The following MAGI2 variants were observed in gnomAD, a reference collection of about 807,000 sequenced individuals.
The protein encoded by MAGI2 is membrane associated guanylate kinase, WW and PDZ domain containing 2.
In MAGI2, 35 loss-of-function variants were observed where a neutral mutation model predicts 133.3. The observed-to-expected ratio is 0.26, with a 90% CI of 0.20 to 0.35. The LOEUF (loss-of-function observed/expected upper bound fraction) is 0.35, where lower values mean the gene tolerates loss of function less well. Among genes scored for constraint, MAGI2 ranks in the 10% least tolerant of loss-of-function variants. The pLI is 1.00. For missense variants in MAGI2, 1,636 were observed against 1,863.4 expected (o/e 0.88, Z 2.25); for synonymous variants, 729 against 710.6 (o/e 1.03, Z -0.41).
chr7:78,036,211 G>A (rs1810201527), intron 21 of MAGI2, among the ~76,000 whole-genome samples: 1 of 152,192 alleles, frequency 6.6e-6, no homozygotes, highest in Admixed American at 6.5e-5. Flanking sequence ...AATCTAGAGT[G>A]AGGCAGTGTA....
intron 9 of MAGI2, among the ~76,000 whole-genome samples, chr7:78,300,145 G>A (rs1161841334): frequency 6.6e-6 from 1 of 152,132 alleles, no homozygotes; most frequent in Non-Finnish European, 1.5e-5. Context: ...TATAGTTCTT[G>A]CAGATATCTC....
At chr7:78,474,961 C>A (rs7808641) in intron 6 of MAGI2, among the ~76,000 whole-genome samples, 44,245 of 151,068 alleles carry the variant, frequency 0.29, 7,465 homozygotes, top group African/African-American at 0.47. Flanking sequence ...TAAAAAAAAA[C>A]CCTGGAAGTC....
intron 3 of MAGI2, among the ~76,000 whole-genome samples, chr7:78,527,581 C>T (rs1039753383): frequency 1.3e-5 from 2 of 152,068 alleles, no homozygotes; most frequent in African/African-American, 4.8e-5. Flanking sequence ...GCACCATGTT[C>T]TTTATGCTTT....
chr7:78,978,636 T>C (rs1404807128), intron 2 of MAGI2, among the ~76,000 whole-genome samples: 2 of 151,868 alleles, frequency 1.3e-5, no homozygotes, highest in Non-Finnish European at 2.9e-5. Context: ...TCTTAATCCA[T>C]GCCAATTAAA....
intron 5 of MAGI2, among the ~76,000 whole-genome samples, chr7:78,493,992 T>C (rs1353578574): frequency 6.6e-6 from 1 of 152,166 alleles, no homozygotes; most frequent in Non-Finnish European, 1.5e-5. Context: ...TTTTTTTCTT[T>C]TCTAGACAGG....
chr7:79,373,846 A>T (rs1843209050), intron 1 of MAGI2, among the ~76,000 whole-genome samples: 1 of 152,204 alleles, frequency 6.6e-6, no homozygotes, highest in South Asian at 2.1e-4. Context: ...TGACCTAAAA[A>T]TTCTACTCCT....
At chr7:78,957,264 CAAAA>C (rs1187620956) in intron 2 of MAGI2, among the ~76,000 whole-genome samples, 2 of 42,638 alleles carry the variant, frequency 4.7e-5, no homozygotes, top group African/African-American at 1.7e-4. Context: ...GACTCCATCT[CAAAA>C]AAAAAAAAAA....
intron 1 of MAGI2, among the ~76,000 whole-genome samples, chr7:79,122,514 A>G (rs1016690061): frequency 1.2e-4 from 19 of 152,242 alleles, no homozygotes; most frequent in Non-Finnish European, 1.5e-5. Context: ...CAGTTGATAC[A>G]TAGAGTTTAT....
chr7:78,987,637 T>G (rs1805387176), intron 2 of MAGI2, among the ~76,000 whole-genome samples: 1 of 152,068 alleles, frequency 6.6e-6, no homozygotes, highest in Non-Finnish European at 1.5e-5. Flanking sequence ...TATTTCATCT[T>G]CTGTTTTCCC....
intron 6 of MAGI2, among the ~76,000 whole-genome samples, chr7:78,427,564 C>T (rs1198490120): frequency 6.6e-6 from 1 of 151,242 alleles, no homozygotes; most frequent in African/African-American, 2.4e-5. Flanking sequence ...GACTGCATGA[C>T]CCAAAATGAA....
intron 1 of MAGI2, among the ~76,000 whole-genome samples, chr7:79,216,725 A>G (rs1484737929): frequency 6.6e-6 from 1 of 152,054 alleles, no homozygotes; most frequent in Non-Finnish European, 1.5e-5. Flanking sequence ...ACATATGCAT[A>G]TACACACATT....
At chr7:78,898,508 G>A (rs1389083098) in intron 2 of MAGI2, among the ~76,000 whole-genome samples, 6 of 152,108 alleles carry the variant, frequency 3.9e-5, no homozygotes, top group South Asian at 4.1e-4. Flanking sequence ...TTGCAGGAAC[G>A]TGGATGGAGC....
At chr7:79,327,573 T>C (rs996983303) in intron 1 of MAGI2, among the ~76,000 whole-genome samples, 1 of 152,168 alleles carries the variant, frequency 6.6e-6, no homozygotes, top group African/African-American at 2.4e-5. Flanking sequence ...TACATAATGA[T>C]ACAAAGGCAA....
intron 1 of MAGI2, among the ~76,000 whole-genome samples, chr7:79,144,278 C>A (rs1411502513): frequency 6.6e-6 from 1 of 152,148 alleles, no homozygotes; most frequent in African/African-American, 2.4e-5. Context: ...GGATTTGTGT[C>A]TCCAAATCTC....
chr7:79,319,274 G>A lies in MAGI2; in HGVS notation c.301+133746C>T, dbSNP rs145058082. 5.1e-4 allele frequency among the ~76,000 whole-genome samples: 77 copies of A among 152,216 alleles called. 1 individual carries two copies. Among genetic ancestry groups the A allele is most frequent in the African/African-American group, 1.9e-3 (77 of 41,540 alleles). ...GACACTAACACATACAAATGCTTGA[G>A]TGAATATAGTGCAGTGTAATGCAAT... On this transcript the variant is annotated intron_variant, in intron 1 of 21. Transcript: ENST00000354212.
intron 6 of MAGI2, among the ~76,000 whole-genome samples, chr7:78,390,159 C>T (rs1468596): frequency 0.25 from 38,392 of 152,080 alleles, 5,773 homozygotes; most frequent in East Asian, 0.62. Flanking sequence ...TCCTCTCAAA[C>T]CATTTTTCTA....
intron 1 of MAGI2, among the ~76,000 whole-genome samples, chr7:79,274,605 G>A (rs1334916298): frequency 6.6e-6 from 1 of 151,276 alleles, no homozygotes; most frequent in Non-Finnish European, 1.5e-5. Context: ...ATTATTGTTG[G>A]CATCCAACAG....
intron 3 of MAGI2, among the ~76,000 whole-genome samples, chr7:78,621,042 G>A (rs566883427): frequency 6.6e-6 from 1 of 152,102 alleles, no homozygotes; most frequent in South Asian, 2.1e-4. Flanking sequence ...TAAAATCACA[G>A]ACACCTGGAA....
intron 2 of MAGI2, among the ~76,000 whole-genome samples, chr7:78,759,855 A>G (rs566693365): frequency 6.6e-6 from 1 of 152,202 alleles, no homozygotes; most frequent in Non-Finnish European, 1.5e-5. Flanking sequence ...GAGGCTGGGG[A>G]TGGTGGCTCA....
Sources: gnomAD v4.1 joint callset for allele counts (sites outside exome capture counted in the v4.1 genomes callset) on GRCh38, gnomAD v4.1.1 for gene constraint, MANE v1.5 for transcripts, NCBI Gene and HGNC (gene_info 2026-07-23, HGNC 2026-07-21) for gene names.